Variants in SCLT1 observed in about 807,000 individuals in gnomAD.
SCLT1 encodes sodium channel-associated protein 1.
In SCLT1, 78 loss-of-function variants were observed where a neutral mutation model predicts 112.8. The ratio of observed to expected loss-of-function variants is 0.69; its 90% CI spans 0.58 to 0.83. The LOEUF is 0.83. Ranked by LOEUF, SCLT1 falls within the 40% of genes least tolerant of loss-of-function variation. The pLI, the probability that SCLT1 is intolerant of heterozygous loss-of-function variation, is 0.00. For synonymous variants in SCLT1, 257 were observed against 254.7 expected, an observed-to-expected ratio of 1.01 and a Z score of -0.09; for missense variants, 747 against 770.4, an observed-to-expected ratio of 0.97 and a Z score of 0.36.
intron 9 of SCLT1, among the ~76,000 whole-genome samples, chr4:128,973,044 A>G (rs1169527327): frequency 6.6e-6 from 1 of 151,810 alleles, no homozygotes; most frequent in Non-Finnish European, 1.5e-5. Context: ...TGTTTTCTAA[A>G]CACATCCTTG....
chr4:128,936,871 C>G lies in SCLT1; in HGVS notation c.1633-20G>C, dbSNP rs372271490. ...ACTGATCTAAAGAATAAAATGAAAACGTATTTTCTTTTTCTTTTCTTATAG... is the reference window on the plus strand; with the variant it reads ...ACTGATCTAAAGAATAAAATGAAAAGGTATTTTCTTTTTCTTTTCTTATAG... On this transcript the variant is annotated intron_variant, in intron 17 of 20. Coordinates refer to ENST00000281142, the MANE Select transcript of SCLT1 (RefSeq NM_144643.4). 3.0e-6 allele frequency: 4 copies of G among 1,313,900 alleles called. No individual in the cohort carries two copies. Among genetic ancestry groups the G allele is most frequent in the South Asian group, 2.7e-5 (2 of 73,208 alleles). The allele number at this position is 1,313,900 out of a possible 1,614,324, so 81.4% of individuals were successfully genotyped here.
intron 13 of SCLT1, among the ~76,000 whole-genome samples, chr4:128,955,723 T>C (rs559924752): frequency 1.3e-5 from 2 of 152,320 alleles, no homozygotes; most frequent in East Asian, 3.9e-4. Flanking sequence ...AATTTTCTTT[T>C]ATACATATTT....
At chr4:129,055,123 C>T (rs532909341) in intron 2 of SCLT1, among the ~76,000 whole-genome samples, 53 of 152,322 alleles carry the variant, frequency 3.5e-4, no homozygotes, top group African/African-American at 1.3e-3. Flanking sequence ...TGGCTGCCTG[C>T]TCCTTCCTCT....
intron 18 of SCLT1, among the ~76,000 whole-genome samples, chr4:128,910,035 T>C (rs938134160): frequency 1.1e-4 from 16 of 152,270 alleles, no homozygotes; most frequent in African/African-American, 3.8e-4. Flanking sequence ...TTAGGAGCCA[T>C]AGTTAAAGAT....
chr4:128,985,319 C>T lies in SCLT1; in HGVS notation c.686+6848G>A, dbSNP rs922232609. Among the ~76,000 whole-genome samples, 11 of 152,124 alleles carry T rather than the reference C, an allele frequency of 7.2e-5. No homozygotes were observed. The South Asian group carries it at 1.2e-3, about 17-fold the overall frequency. On this transcript the variant is annotated intron_variant, in intron 9 of 20. Coordinates refer to ENST00000281142, the MANE Select transcript of SCLT1 (RefSeq NM_144643.4). ...TATTTTGAATATATATTGATATATC[C>T]ATATACATATATCGATGATCAATAC...
At position 128,948,488 on chromosome 4, in the gene SCLT1, CT is replaced by C. The variant is rs200598720; in HGVS notation, c.1293+7del. The C allele has an allele frequency of 5.9e-4, 939 of 1,603,630 alleles. 18 individuals carry two copies. In the East Asian group the frequency reaches 0.018, roughly 30 times the overall value. On this transcript the variant is annotated splice_region_variant and intron_variant, in intron 15 of 20. Coordinates refer to ENST00000281142, the MANE Select transcript of SCLT1 (RefSeq NM_144643.4). ...TTTTAGGTAGTTATATTTCCTTTTT[CT>C]TTTTACCTTTTCTAGTTCTTCTTCC...
intron 19 of SCLT1, among the ~76,000 whole-genome samples, chr4:128,889,153 C>A (rs1406838263): frequency 6.6e-6 from 1 of 152,130 alleles, no homozygotes; most frequent in Admixed American, 6.6e-5. Context: ...TGTATGTTCC[C>A]CAAGACATCT....
intron 2 of SCLT1, among the ~76,000 whole-genome samples, chr4:129,077,662 G>C (rs560273904): frequency 1.6e-4 from 24 of 152,244 alleles, no homozygotes; most frequent in Non-Finnish European, 2.9e-4. Context: ...ATTTATAAAA[G>C]ATTTCTGTTG....
At chr4:128,999,528 T>C (rs1050317846) in intron 7 of SCLT1, 144 bp downstream of exon 7, 3 of 471,452 alleles carry the variant, frequency 6.4e-6, no homozygotes, top group Non-Finnish European at 1.1e-5. Context: ...CCATCAAAGA[T>C]CTATATATTA....
chr4:128,925,156 T>A (rs746896220), intron 18 of SCLT1, among the ~76,000 whole-genome samples: 27 of 152,158 alleles, frequency 1.8e-4, no homozygotes, highest in Non-Finnish European at 2.2e-4. Context: ...ATGCGTTGAT[T>A]GCAACTTTAT....
chr4:129,025,134 T>G (rs2126130869), intron 5 of SCLT1, among the ~76,000 whole-genome samples: 1 of 152,310 alleles, frequency 6.6e-6, no homozygotes, highest in Non-Finnish European at 1.5e-5. Context: ...TGCAGGATAT[T>G]ATTCAGGAGA....
chr4:128,917,843 G>A (rs775238703), intron 18 of SCLT1, among the ~76,000 whole-genome samples: 2 of 152,140 alleles, frequency 1.3e-5, no homozygotes, highest in Non-Finnish European at 2.9e-5. Flanking sequence ...TTACCACTGA[G>A]AGAAAGGGGT....
chr4:129,048,981 C>G (rs551452308), intron 2 of SCLT1, among the ~76,000 whole-genome samples: 1 of 151,596 alleles, frequency 6.6e-6, no homozygotes, highest in African/African-American at 2.4e-5. Context: ...CAGGAAACAA[C>G]AGGTGCTGGA....
At chr4:129,010,562 TC>T (rs1224211310) in intron 5 of SCLT1, among the ~76,000 whole-genome samples, 7 of 152,200 alleles carry the variant, frequency 4.6e-5, no homozygotes, top group African/African-American at 1.7e-4. Context: ...GAACATTTTT[TC>T]ATTTGTTTGT....
At chr4:129,057,793 C>G (rs960667186) in intron 2 of SCLT1, among the ~76,000 whole-genome samples, 2 of 151,460 alleles carry the variant, frequency 1.3e-5, no homozygotes, top group Non-Finnish European at 2.9e-5. Context: ...GCTCTGTCGC[C>G]CAGGCTGGAG....
rs528715707 is a variant in SCLT1 at position 129,062,893 on chromosome 4, C to G, written c.103-18842G>C. Among the ~76,000 whole-genome samples, 30 of 152,250 alleles carry G rather than the reference C, an allele frequency of 2.0e-4. No homozygotes were observed. In the South Asian group the frequency reaches 6.2e-3, roughly 32 times the overall value. On this transcript the variant is annotated intron_variant, in intron 2 of 20. Coordinates refer to ENST00000281142, the MANE Select transcript of SCLT1 (RefSeq NM_144643.4). ...ATCTTTGGGTGAATCTGTTTGGGAA[C>G]CCTTGGGTCTTATGTCTGACGTCCA...
intron 2 of SCLT1, among the ~76,000 whole-genome samples, chr4:129,069,990 T>C (rs1750847729): frequency 6.6e-6 from 1 of 152,186 alleles, no homozygotes; most frequent in Admixed American, 6.5e-5. Flanking sequence ...TTGAATGCTT[T>C]TTCTGCATCT....
chr4:128,927,604 T>C (rs1736400330), intron 18 of SCLT1, among the ~76,000 whole-genome samples: 2 of 151,620 alleles, frequency 1.3e-5, no homozygotes, highest in African/African-American at 4.8e-5. Flanking sequence ...TAATTTGAAC[T>C]AAATAATAGT....
intron 2 of SCLT1, among the ~76,000 whole-genome samples, chr4:129,075,374 T>C (rs1751372683): frequency 6.6e-6 from 1 of 152,152 alleles, no homozygotes; most frequent in Non-Finnish European, 1.5e-5. Context: ...TATCAATAAA[T>C]GTTGACGAAC....
Sources: gnomAD v4.1 joint callset for allele counts (sites outside exome capture counted in the v4.1 genomes callset) on GRCh38, gnomAD v4.1.1 for gene constraint, MANE v1.5 for transcripts, NCBI Gene and HGNC (gene_info 2026-07-23, HGNC 2026-07-21) for gene names.